TYW1: variants seen among roughly 807,000 people sequenced by gnomAD.
TYW1 encodes the protein S-adenosyl-L-methionine-dependent tRNA 4-demethylwyosine synthase TYW1.
TYW1 carries 46 observed loss-of-function variants against 96.2 expected under a neutral mutation model. The ratio of observed to expected loss-of-function variants is 0.48; its 90% confidence interval spans 0.38 to 0.61. The LOEUF is 0.61. Among genes scored for constraint, TYW1 ranks in the 20% least tolerant of loss-of-function variants. TYW1 has a pLI of 0.00. For synonymous variants in TYW1, 274 were observed against 323.0 expected (o/e 0.85, Z 1.63); for missense variants, 684 against 909.6 (o/e 0.75, Z 3.19).
chr7:67,047,134 G>A (rs1223395005), intron 7 of TYW1, among the ~76,000 whole-genome samples: 1 of 152,138 alleles, frequency 6.6e-6, no homozygotes, highest in Non-Finnish European at 1.5e-5. Context: ...TTTTTTACAT[G>A]ATTTGTAGAG....
In TYW1 at chr7:66,996,837, C is replaced by A; in HGVS notation, c.-142C>A. 1.4e-6 allele frequency: 2 copies of A among 1,467,172 alleles called. No individual in the cohort carries two copies. Among genetic ancestry groups the A allele is most frequent in the Non-Finnish European group, 9.3e-7 (1 of 1,071,804 alleles). 90.9% of individuals were successfully genotyped at this position (1,467,172 alleles called of 1,614,324 possible). ...TCTGAACCAATCAGGACCGGCCTGG[C>A]AGTGTCATGGCTGCCCACAGGTCTG... On this transcript the variant is annotated 5_prime_UTR_variant, in exon 1 of 16. Transcript: ENST00000359626.
chr7:67,009,384 A>G (rs2129239282), intron 3 of TYW1, among the ~76,000 whole-genome samples, 199 bp from the exon 4 acceptor site: 1 of 152,312 alleles, frequency 6.6e-6, no homozygotes, highest in Non-Finnish European at 1.5e-5. Context: ...TCGGGTGAGA[A>G]CAACACAAAT....
intron 10 of TYW1, among the ~76,000 whole-genome samples, chr7:67,070,988 G>A (rs563273673): frequency 2.0e-4 from 31 of 151,996 alleles, no homozygotes; most frequent in East Asian, 5.8e-4. Flanking sequence ...AAAATTAGCC[G>A]GGCGTGGTGG....
rs1267799703 is a variant in TYW1 at position 67,158,034 on chromosome 7, T to C, written c.1699-25092T>C. Among the ~76,000 whole-genome samples the C allele has an allele frequency of 4.6e-5, 7 of 152,076 alleles. No homozygotes were observed. The East Asian group carries it at 9.6e-4, about 21-fold the overall frequency. On this transcript the variant is annotated intron_variant, in intron 13 of 15. Coordinates refer to ENST00000359626, the MANE Select transcript of TYW1 (RefSeq NM_018264.4). Reference sequence around the variant, plus strand: ...ATTGGCAGTAGGTTTTCTGTAGATATTTTTTATTATGTTGGGGAAGTTCCT... The same window carrying C: ...ATTGGCAGTAGGTTTTCTGTAGATACTTTTTATTATGTTGGGGAAGTTCCT...
chr7:67,222,462 T>A (rs1467761879), intron 15 of TYW1, among the ~76,000 whole-genome samples: 7 of 141,558 alleles, frequency 4.9e-5, no homozygotes, highest in Non-Finnish European at 1.1e-4. Context: ...CAGTATAGGA[T>A]TCCTGGTTGA....
At chr7:67,220,066 T>A (rs915403961) in intron 15 of TYW1, among the ~76,000 whole-genome samples, 4 of 150,786 alleles carry the variant, frequency 2.7e-5, no homozygotes, top group African/African-American at 9.8e-5. Flanking sequence ...TGATATGTGG[T>A]GGTTTCATTT....
rs188734445 is a variant in TYW1 at position 67,000,004 on chromosome 7, T to A, written c.273+1050T>A. Among the ~76,000 whole-genome samples, 162 of 151,904 alleles carry A rather than the reference T, an allele frequency of 1.1e-3. 1 individual carries two copies. Among genetic ancestry groups the A allele is most frequent in the Admixed American group, 2.1e-3 (32 of 15,248 alleles). The stretch of plus-strand genomic sequence containing the variant: ...AGGCTGGAGTGCAGTTGTGCCATCT[T>A]CGCTCACTGCAACCTCTGCCTCTCG... On this transcript the variant is annotated intron_variant, in intron 3 of 15. Coordinates refer to ENST00000359626, the MANE Select transcript of TYW1 (RefSeq NM_018264.4).
At chr7:67,014,289 C>T in intron 4 of TYW1, 78 bp from the exon 5 acceptor site, 1 of 1,508,422 alleles carries the variant, frequency 6.6e-7, no homozygotes, top group Non-Finnish European at 8.9e-7. Context: ...GATGAGTATG[C>T]TTTTTTTCAA....
chr7:67,043,517 CA>C (rs759161362), intron 7 of TYW1, among the ~76,000 whole-genome samples: 1 of 152,080 alleles, frequency 6.6e-6, no homozygotes, highest in African/African-American at 2.4e-5. Context: ...TTCCATTTGC[CA>C]GCTATTTAAA....
intron 3 of TYW1, 55 bp downstream of exon 3, chr7:66,999,009 C>T: frequency 6.3e-7 from 1 of 1,593,080 alleles, no homozygotes; most frequent in Admixed American, 1.7e-5. Context: ...TAAGAAAATC[C>T]CTTTAGCAGT....
chr7:67,134,281 G>T (rs1798176783), intron 13 of TYW1, among the ~76,000 whole-genome samples: 1 of 152,088 alleles, frequency 6.6e-6, no homozygotes, highest in Non-Finnish European at 1.5e-5. Flanking sequence ...GGTGGCTCAC[G>T]CCTGTAATCT....
intron 13 of TYW1, among the ~76,000 whole-genome samples, chr7:67,179,250 T>C (rs1799766959): frequency 7.4e-6 from 1 of 135,710 alleles, no homozygotes. Context: ...TGCATGGCAT[T>C]TGTAAACTGT....
chr7:67,002,856 CTTT>C (rs547425705), intron 3 of TYW1, among the ~76,000 whole-genome samples: 1 of 110,874 alleles, frequency 9.0e-6, no homozygotes, highest in Non-Finnish European at 1.9e-5. Flanking sequence ...TTTCTTTTTT[CTTT>C]TTTTTTTTTT....
intron 4 of TYW1, among the ~76,000 whole-genome samples, chr7:67,010,613 C>CT (rs1229747146): frequency 4.0e-5 from 6 of 151,786 alleles, no homozygotes; most frequent in Non-Finnish European, 5.9e-5. Flanking sequence ...GTAGGTGGGA[C>CT]TACAGGCGCC....
chr7:67,019,767 G>C (rs1309049096), intron 6 of TYW1, among the ~76,000 whole-genome samples: 1 of 152,414 alleles, frequency 6.6e-6, no homozygotes, highest in Admixed American at 6.5e-5. Context: ...AAGGGAACAA[G>C]GAGTGGTCGA....
intron 11 of TYW1, among the ~76,000 whole-genome samples, chr7:67,086,456 G>A (rs1406674246): frequency 6.6e-6 from 1 of 152,180 alleles, no homozygotes; most frequent in African/African-American, 2.4e-5. Context: ...ATGTGAATGT[G>A]TGTGAGGGGA....
intron 13 of TYW1, among the ~76,000 whole-genome samples, chr7:67,179,992 A>G (rs1176931456): frequency 7.9e-6 from 1 of 127,158 alleles, no homozygotes; most frequent in Non-Finnish European, 1.6e-5. Flanking sequence ...AGCCATGCCC[A>G]GCTGTTGTAT....
chr7:67,189,595 A>G (rs1800147405), intron 14 of TYW1, among the ~76,000 whole-genome samples: 1 of 152,154 alleles, frequency 6.6e-6, no homozygotes, highest in Non-Finnish European at 1.5e-5. Context: ...GTAGCCTAGG[A>G]CAGGTTATTC....
At position 66,996,921 on chromosome 7, in the gene TYW1, T is replaced by C. The variant is rs1421821367; in HGVS notation, c.-58T>C. ...AGCTCGGTGCGTCTCGCGGTACCAG[T>C]GCGAATCATCGGGCTATCCAGGTCC... On this transcript the variant is annotated 5_prime_UTR_variant, in exon 1 of 16. Coordinates refer to ENST00000359626, the MANE Select transcript of TYW1 (RefSeq NM_018264.4). 1.2e-6 allele frequency: 2 copies of C among 1,612,952 alleles called. No individual in the cohort carries two copies. The highest frequency in any genetic ancestry group is 1.3e-5 in the African/African-American group (1 of 74,926).
Sources: allele counts gnomAD v4.1 joint callset (sites outside exome capture counted in the v4.1 genomes callset), GRCh38; gene constraint gnomAD v4.1.1; transcripts MANE v1.5; gene names NCBI Gene and HGNC (gene_info 2026-07-23, HGNC 2026-07-21).